Variants in TRPC3 observed in about 807,000 individuals in gnomAD.
TRPC3 encodes the protein short transient receptor potential channel 3.
In TRPC3, 54 loss-of-function variants were observed where a neutral mutation model predicts 90.9. The observed-to-expected ratio is 0.59, with a 90% confidence interval of 0.48 to 0.75. TRPC3 has a LOEUF of 0.75. Among genes scored for constraint, TRPC3 ranks in the 30% least tolerant of loss-of-function variants. The pLI, the probability that TRPC3 is intolerant of heterozygous loss-of-function variation, is 0.00. For missense variants in TRPC3, 918 were observed against 1,194.5 expected, an observed-to-expected ratio of 0.77 and a Z score of 3.41; for synonymous variants, 424 against 450.9, an observed-to-expected ratio of 0.94 and a Z score of 0.75.
chr4:121,921,244 C>T (rs1729491227), intron 3 of TRPC3, among the ~76,000 whole-genome samples: 1 of 152,008 alleles, frequency 6.6e-6, no homozygotes, highest in South Asian at 2.1e-4. Flanking sequence ...ACTTCCTGGC[C>T]GGGCGCGGTG....
chr4:121,899,346 GT>G (rs1229000231), intron 10 of TRPC3, among the ~76,000 whole-genome samples: 1 of 152,138 alleles, frequency 6.6e-6, no homozygotes, highest in Non-Finnish European at 1.5e-5. Flanking sequence ...TTTCAATATT[GT>G]GAGAGGAACT....
At chr4:121,926,455 GGA>G (rs981848200) in intron 2 of TRPC3, among the ~76,000 whole-genome samples, 6 of 151,012 alleles carry the variant, frequency 4.0e-5, no homozygotes, top group Non-Finnish European at 5.9e-5. Flanking sequence ...CATCCAGGCT[GGA>G]GTACAGTGGC....
At chr4:121,928,677 C>A (rs1729798556) in intron 2 of TRPC3, among the ~76,000 whole-genome samples, 1 of 152,168 alleles carries the variant, frequency 6.6e-6, no homozygotes, top group Non-Finnish European at 1.5e-5. Flanking sequence ...GCTGGTGGAC[C>A]TACTGCACAC....
chr4:121,899,655 G>T lies in TRPC3; in HGVS notation c.2504C>A (p.Ser835Ter). The T allele has an allele frequency of 6.2e-7, 1 of 1,613,532 alleles. No individual in the cohort carries two copies. The highest frequency in any genetic ancestry group is 1.1e-5 in the South Asian group (1 of 91,052). The change falls in exon 10 of 12, where the codon TCA becomes TAA. Residue 835 changes from serine (S) to a stop codon, truncating the protein, a stop_gained. Coordinates refer to ENST00000379645, the MANE Select transcript of TRPC3 (RefSeq NM_001130698.2). LOFTEE classifies it high-confidence loss of function. Reference sequence around the variant, plus strand: ...ATTGAGAATGCTGTTAAAACTGTGTGATTCAAAAACTCTTGAGTTAGACTG... The same window carrying T: ...ATTGAGAATGCTGTTAAAACTGTGTTATTCAAAAACTCTTGAGTTAGACTG... ...FTQSNSRVFE[S>*]HSFNSILNQP...
intron 1 of TRPC3, among the ~76,000 whole-genome samples, chr4:121,940,495 T>C (rs936998960): frequency 3.3e-5 from 5 of 152,220 alleles, no homozygotes; most frequent in African/African-American, 9.6e-5. Flanking sequence ...CTTTTACACC[T>C]ACCTCCAGGA....
intron 7 of TRPC3, among the ~76,000 whole-genome samples, chr4:121,905,081 C>G (rs989119944): frequency 6.6e-6 from 1 of 151,744 alleles, no homozygotes; most frequent in Non-Finnish European, 1.5e-5. Flanking sequence ...ACAGATCGAG[C>G]TTTGTGTGTT....
intron 3 of TRPC3, among the ~76,000 whole-genome samples, chr4:121,921,895 C>A (rs935076952): frequency 6.7e-6 from 1 of 149,316 alleles, no homozygotes; most frequent in African/African-American, 2.5e-5. Context: ...ACGAAGGAAG[C>A]CTTTGTTTTT....
chr4:121,907,672 C>T (rs1335242794), intron 6 of TRPC3, 105 bp from the exon 7 acceptor site: 1 of 1,278,258 alleles, frequency 7.8e-7, no homozygotes, highest in Non-Finnish European at 1.1e-6. Context: ...AGGTGGTTAC[C>T]ATCTCAGTTG....
chr4:121,881,681 G>A (rs1727948799), intron 11 of TRPC3, among the ~76,000 whole-genome samples: 1 of 152,010 alleles, frequency 6.6e-6, no homozygotes, highest in African/African-American at 2.4e-5. Context: ...AGATTTAGTG[G>A]CATCTCATTG....
intron 2 of TRPC3, among the ~76,000 whole-genome samples, chr4:121,928,530 A>G (rs1578644674): frequency 6.6e-6 from 1 of 152,350 alleles, no homozygotes; most frequent in East Asian, 1.9e-4. Context: ...GGCCGCATTG[A>G]CTGTTAATTC....
intron 10 of TRPC3, among the ~76,000 whole-genome samples, chr4:121,895,905 G>A (rs960300911): frequency 5.9e-5 from 9 of 151,980 alleles, no homozygotes; most frequent in African/African-American, 2.2e-4. Flanking sequence ...CAATATCCCT[G>A]ATGAACATAG....
intron 3 of TRPC3, among the ~76,000 whole-genome samples, chr4:121,921,045 A>G (rs904651662): frequency 2.0e-5 from 3 of 152,190 alleles, no homozygotes; most frequent in African/African-American, 7.2e-5. Flanking sequence ...ACGGTCATGT[A>G]TCTCCTATTC....
At position 121,951,582 on chromosome 4, in the gene TRPC3, C is replaced by T. The variant is rs1235400274; in HGVS notation, c.99G>A (p.Pro33=). ...CCCTCCAGCCCCGGCGGCGGCGCTG[C>T]GGCTCCGCGCCCTCGTCCTCGCCCT... is the stretch of plus-strand genomic sequence containing the variant. ...EDEGEDEGAE[P]QRRRRGWRGV... is the part of the protein sequence containing the mutation. Residue 33 remains proline (P), a synonymous_variant, in exon 1 of 12, where the codon CCG becomes CCA. Transcript: ENST00000379645. The surrounding 1 kb of genome is among the most constrained non-coding windows in gnomAD (Gnocchi z 4.4). The T allele has an allele frequency of 1.4e-6, 2 of 1,451,784 alleles. No individual in the cohort carries two copies. Among genetic ancestry groups the T allele is most frequent in the Non-Finnish European group, 9.1e-7 (1 of 1,098,146 alleles). 89.9% of individuals were successfully genotyped at this position (1,451,784 alleles called of 1,614,324 possible). A position where few individuals can be genotyped will look rare whatever the true frequency, so the allele number is the denominator to read the frequency against.
intron 1 of TRPC3, among the ~76,000 whole-genome samples, chr4:121,938,304 C>G (rs1406759406): frequency 6.6e-6 from 1 of 152,210 alleles, no homozygotes; most frequent in Non-Finnish European, 1.5e-5. Flanking sequence ...GCAGCTCCCA[C>G]TCCTAACATT....
intron 3 of TRPC3, among the ~76,000 whole-genome samples, chr4:121,924,677 A>G (rs1308607530): frequency 6.6e-6 from 1 of 152,148 alleles, no homozygotes; most frequent in Non-Finnish European, 1.5e-5. Flanking sequence ...AGTAGCTGGA[A>G]CTACAGGCAC....
At chr4:121,899,425 C>A (rs534638142) in intron 10 of TRPC3, among the ~76,000 whole-genome samples, 187 bp downstream of exon 10, 2 of 152,114 alleles carry the variant, frequency 1.3e-5, no homozygotes, top group Non-Finnish European at 2.9e-5. Context: ...ATACTATTTT[C>A]TTTTATTTTT....
rs950049491 is a variant in TRPC3 at position 121,904,306 on chromosome 4, T to G, written c.2253+16A>C. 1.3e-6 allele frequency: 2 copies of G among 1,593,814 alleles called. No homozygotes were observed. Among genetic ancestry groups the G allele is most frequent in the African/African-American group, 2.7e-5 (2 of 73,394 alleles). ...GGATGACAAGGATAGATACTATGGA[T>G]AGAAAACCGATTTACCTCAATTTCT... is the stretch of plus-strand genomic sequence containing the variant. On this transcript the variant is annotated intron_variant, in intron 8 of 11. Transcript: ENST00000379645.
chr4:121,908,038 G>A (rs985165850), intron 6 of TRPC3, among the ~76,000 whole-genome samples: 1 of 152,120 alleles, frequency 6.6e-6, no homozygotes, highest in African/African-American at 2.4e-5. Flanking sequence ...ATTTCGAGGA[G>A]TGAGAATGTC....
chr4:121,905,702 G>T (rs975036475), intron 7 of TRPC3, among the ~76,000 whole-genome samples: 5 of 152,056 alleles, frequency 3.3e-5, no homozygotes, highest in Non-Finnish European at 7.4e-5. Flanking sequence ...AAATAACAAT[G>T]AATTTTATAG....
Sources: gnomAD v4.1 joint callset for allele counts (sites outside exome capture counted in the v4.1 genomes callset) on GRCh38, gnomAD v4.1.1 for gene constraint, Gnocchi (gnomAD v3.1) non-coding constraint, MANE v1.5 for transcripts, NCBI Gene and HGNC (gene_info 2026-07-23, HGNC 2026-07-21) for gene names.